ADCY2: variants seen among roughly 807,000 people sequenced by gnomAD.
ADCY2 encodes the protein adenylate cyclase 2.
ADCY2 carries 31 observed loss-of-function variants against 125.2 expected under a neutral mutation model. The observed-to-expected ratio is 0.25, with a 90% CI of 0.19 to 0.33. The LOEUF (loss-of-function observed/expected upper bound fraction) is 0.33. Among genes scored for constraint, ADCY2 ranks in the 10% least tolerant of loss-of-function variants. The pLI, the probability that ADCY2 is intolerant of heterozygous loss-of-function variation, is 1.00. For synonymous variants in ADCY2, 512 were observed against 548.4 expected (o/e 0.93, Z 0.93); for missense variants, 904 against 1,418.2 (o/e 0.64, Z 5.82).
chr5:7,808,759 A>G (rs1744842355), intron 22 of ADCY2, among the ~76,000 whole-genome samples: 1 of 151,966 alleles, frequency 6.6e-6, no homozygotes. Context: ...ATTTGTATCT[A>G]TCCTATTCAT....
chr5:7,656,636 G>A (rs1739338157), intron 4 of ADCY2, among the ~76,000 whole-genome samples: 1 of 152,174 alleles, frequency 6.6e-6, no homozygotes, highest in African/African-American at 2.4e-5. Context: ...CCCACTCATA[G>A]CACTCGAACC....
chr5:7,695,401 C>A (rs576298615), intron 5 of ADCY2, among the ~76,000 whole-genome samples: 1 of 152,204 alleles, frequency 6.6e-6, no homozygotes, highest in Non-Finnish European at 1.5e-5. Context: ...GGAAGATATT[C>A]CATGTCTGCT....
chr5:7,786,724 G>A (rs1744095126), intron 19 of ADCY2, among the ~76,000 whole-genome samples: 1 of 152,160 alleles, frequency 6.6e-6, no homozygotes, highest in African/African-American at 2.4e-5. Flanking sequence ...GCACATTGAG[G>A]TGGGATACAT....
At chr5:7,612,026 C>T (rs1409333430) in intron 3 of ADCY2, among the ~76,000 whole-genome samples, 1 of 152,108 alleles carries the variant, frequency 6.6e-6, no homozygotes, top group Non-Finnish European at 1.5e-5. Context: ...AAAGAAAATT[C>T]AACTGAAAAG....
chr5:7,778,777 G>A (rs1743821945), intron 18 of ADCY2, among the ~76,000 whole-genome samples: 1 of 152,188 alleles, frequency 6.6e-6, no homozygotes, highest in African/African-American at 2.4e-5. Flanking sequence ...ACGAGGGATT[G>A]ATTGATGATG....
At chr5:7,713,494 A>AG (rs1331210537) in intron 11 of ADCY2, among the ~76,000 whole-genome samples, 3 of 110,950 alleles carry the variant, frequency 2.7e-5, no homozygotes, top group Non-Finnish European at 6.8e-5. Context: ...ACTGTGTCTC[A>AG]GAAAAAAAAA....
intron 4 of ADCY2, chr5:7,653,876 T>A: frequency 4.2e-6 from 1 of 238,302 alleles, no homozygotes; most frequent in South Asian, 4.9e-5. Flanking sequence ...CTTTCAAAAA[T>A]TATAAATTCT....
At chr5:7,610,175 T>C (rs1341010486) in intron 3 of ADCY2, among the ~76,000 whole-genome samples, 2 of 152,206 alleles carry the variant, frequency 1.3e-5, no homozygotes, top group African/African-American at 4.8e-5. Flanking sequence ...ATTGGTGTTA[T>C]TTCGATGGTG....
intron 4 of ADCY2, among the ~76,000 whole-genome samples, chr5:7,661,748 A>T (rs529298102): frequency 1.1e-4 from 17 of 152,266 alleles, no homozygotes; most frequent in African/African-American, 3.6e-4. Context: ...CAACCAAAAA[A>T]ATTGTATTTT....
chr5:7,666,982 G>A (rs966082149), intron 4 of ADCY2, among the ~76,000 whole-genome samples: 1 of 152,230 alleles, frequency 6.6e-6, no homozygotes, highest in East Asian at 1.9e-4. Flanking sequence ...GATGGGTTGT[G>A]TTCTAGGCAC....
In ADCY2 at chr5:7,709,505, T is replaced by G; in HGVS notation, c.1578+118T>G. The G allele has an allele frequency of 4.1e-6, 5 of 1,222,916 alleles. No homozygotes were observed. In the South Asian group the frequency reaches 6.6e-5, roughly 16 times the overall value. 75.8% of individuals were successfully genotyped at this position (1,222,916 alleles called of 1,614,324 possible). ...TTCTGTAAGAAACAAACTTATCACC[T>G]TCTTCTTCTCAGAGAGGCCCTTATG... is the stretch of plus-strand genomic sequence containing the variant. On this transcript the variant is annotated intron_variant, in intron 10 of 24. Transcript: ENST00000338316. This position sits in a 1 kb window ranked among gnomAD's most constrained non-coding sequence, Gnocchi z 4.4.
chr5:7,465,445 T>C (rs1048810395), intron 2 of ADCY2, among the ~76,000 whole-genome samples: 1 of 152,222 alleles, frequency 6.6e-6, no homozygotes, highest in African/African-American at 2.4e-5. Context: ...TTTCATTTTC[T>C]CCTGTCCCTA....
chr5:7,480,439 A>C (rs1189714028), intron 2 of ADCY2, among the ~76,000 whole-genome samples: 1 of 152,202 alleles, frequency 6.6e-6, no homozygotes, highest in African/African-American at 2.4e-5. Context: ...GAATGAGATC[A>C]TGTCCTTTGC....
intron 2 of ADCY2, among the ~76,000 whole-genome samples, chr5:7,427,892 A>G (rs1258112422): frequency 6.6e-6 from 1 of 152,200 alleles, no homozygotes; most frequent in East Asian, 1.9e-4. Flanking sequence ...ATCTAGACCT[A>G]GTCTGTATGC....
At chr5:7,676,200 C>A (rs998981071) in intron 4 of ADCY2, among the ~76,000 whole-genome samples, 1 of 152,166 alleles carries the variant, frequency 6.6e-6, no homozygotes, top group Non-Finnish European at 1.5e-5. Context: ...GAGTTTTGAA[C>A]ATTTAAGGAT....
At chr5:7,532,345 C>G (rs1323081971) in intron 3 of ADCY2, among the ~76,000 whole-genome samples, 1 of 152,160 alleles carries the variant, frequency 6.6e-6, no homozygotes, top group Non-Finnish European at 1.5e-5. Context: ...CTTGTGAGTT[C>G]TCTCATTGTT....
intron 3 of ADCY2, among the ~76,000 whole-genome samples, chr5:7,525,203 C>T (rs1734415916): frequency 6.6e-6 from 1 of 152,244 alleles, no homozygotes; most frequent in South Asian, 2.1e-4. Flanking sequence ...GACAGGGTTT[C>T]ACCATGTTGC....
At chr5:7,631,803 G>A (rs986552139) in intron 4 of ADCY2, among the ~76,000 whole-genome samples, 12 of 152,180 alleles carry the variant, frequency 7.9e-5, no homozygotes, top group African/African-American at 2.9e-4. Context: ...CTGGAGGCAA[G>A]AAGATTGAAC....
intron 2 of ADCY2, among the ~76,000 whole-genome samples, chr5:7,452,279 C>T (rs1741503375): frequency 6.6e-6 from 1 of 152,132 alleles, no homozygotes. Context: ...TTCCAATGTG[C>T]ATTATATCTC....
Sources: allele counts gnomAD v4.1 joint callset (sites outside exome capture counted in the v4.1 genomes callset), GRCh38; gene constraint gnomAD v4.1.1; non-coding constraint Gnocchi (gnomAD v3.1); transcripts MANE v1.5; gene names NCBI Gene and HGNC (gene_info 2026-07-23, HGNC 2026-07-21).